Variants in KSR2 observed in about 807,000 individuals in gnomAD.
KSR2 encodes the protein kinase suppressor of ras 2.
In KSR2, 25 loss-of-function variants were observed where a neutral mutation model predicts 107.8. The ratio of observed to expected loss-of-function variants is 0.23; its 90% CI spans 0.17 to 0.32. The LOEUF (loss-of-function observed/expected upper bound fraction) is 0.32. Ranked by LOEUF, KSR2 falls within the 10% of genes least tolerant of loss-of-function variation. The pLI is 1.00. For missense variants in KSR2, 887 were observed against 1,268.9 expected (o/e 0.70, Z 4.57); for synonymous variants, 480 against 507.0 (o/e 0.95, Z 0.71).
At chr12:117,794,278 C>CAT (rs1890492214) in intron 3 of KSR2, among the ~76,000 whole-genome samples, 1 of 84,628 alleles carries the variant, frequency 1.2e-5, no homozygotes. Flanking sequence ...TGCACACACA[C>CAT]CAACATGCAC....
At chr12:117,814,636 G>A (rs573103956) in intron 3 of KSR2, among the ~76,000 whole-genome samples, 4 of 152,222 alleles carry the variant, frequency 2.6e-5, no homozygotes, top group African/African-American at 4.8e-5. Context: ...ATGTTCCAGC[G>A]GAACCACATT....
intron 3 of KSR2, among the ~76,000 whole-genome samples, chr12:117,808,011 A>G (rs1891069918): frequency 6.6e-6 from 1 of 152,164 alleles, no homozygotes; most frequent in African/African-American, 2.4e-5. Context: ...GCTCCCAAAT[A>G]ATTATGTTGA....
At chr12:117,603,931 CA>C (rs1881092575) in intron 5 of KSR2, among the ~76,000 whole-genome samples, 1 of 152,220 alleles carries the variant, frequency 6.6e-6, no homozygotes, top group African/African-American at 2.4e-5. Context: ...CCTCCCTCTG[CA>C]ATTTCAACAA....
intron 1 of KSR2, among the ~76,000 whole-genome samples, chr12:117,955,541 C>T (rs970099849): frequency 2.1e-4 from 32 of 152,156 alleles, no homozygotes; most frequent in Admixed American, 3.9e-4. Flanking sequence ...AGCTCAAGCC[C>T]TCCTAACTAC....
In KSR2 at chr12:117,761,473, G is replaced by C. The variant is rs200451365; in HGVS notation, c.524C>G (p.Thr175Arg). The C allele has an allele frequency of 1.5e-3, 2,421 of 1,613,312 alleles. 3 individuals are homozygous for C. Among genetic ancestry groups the C allele is most frequent in the Non-Finnish European group, 1.9e-3 (2,218 of 1,179,688 alleles). The change falls in exon 4 of 20, where the codon ACG becomes AGG. Residue 175 changes from threonine to arginine, a missense_variant. By Grantham distance (71) the Thr-to-Arg change is moderately conservative (BLOSUM62 -1). Coordinates refer to ENST00000339824, the MANE Select transcript of KSR2 (RefSeq NM_173598.6). ...DWTIQWPTTE[T>R]GKENNPVCPP... The stretch of plus-strand genomic sequence containing the variant: ...GCACACGGGATTGTTCTCCTTCCCC[G>C]TCTCTGTCGTGGGCCACTGGATGGT...
intron 4 of KSR2, among the ~76,000 whole-genome samples, chr12:117,739,820 A>G (rs1888102541): frequency 6.6e-6 from 1 of 152,072 alleles, no homozygotes; most frequent in African/African-American, 2.4e-5. Flanking sequence ...CAGCCAAGGC[A>G]CAAACTCAGA....
At chr12:117,920,275 T>C (rs1895301581) in intron 1 of KSR2, among the ~76,000 whole-genome samples, 1 of 152,104 alleles carries the variant, frequency 6.6e-6, no homozygotes, top group African/African-American at 2.4e-5. Flanking sequence ...ATTTTTCTAT[T>C]TTTTGTAGAG....
At chr12:117,601,059 G>A (rs1036323474) in intron 5 of KSR2, among the ~76,000 whole-genome samples, 40 of 152,146 alleles carry the variant, frequency 2.6e-4, no homozygotes, top group African/African-American at 8.4e-4. Flanking sequence ...AGGATTACAT[G>A]AGCATCTGGA....
intron 1 of KSR2, among the ~76,000 whole-genome samples, chr12:117,925,842 C>G (rs181760635): frequency 3.9e-5 from 6 of 152,090 alleles, no homozygotes; most frequent in Non-Finnish European, 8.8e-5. Context: ...TTAGCTAGTA[C>G]GGGACAGGGC....
At chr12:117,956,251 A>T (rs1376916922) in intron 1 of KSR2, among the ~76,000 whole-genome samples, 54 of 36,652 alleles carry the variant, frequency 1.5e-3, no homozygotes, top group Middle Eastern at 0.026. Flanking sequence ...CTCTGTCTCA[A>T]AAAAAAAAAA....
At chr12:117,650,502 T>C (rs958073588) in intron 5 of KSR2, among the ~76,000 whole-genome samples, 4 of 152,208 alleles carry the variant, frequency 2.6e-5, no homozygotes, top group Non-Finnish European at 4.4e-5. Flanking sequence ...TGGAGTTCTT[T>C]CATTGATTTG....
chr12:117,624,246 T>C (rs1882347199), intron 5 of KSR2, among the ~76,000 whole-genome samples: 1 of 152,172 alleles, frequency 6.6e-6, no homozygotes, highest in African/African-American at 2.4e-5. Flanking sequence ...CCCATTTGTC[T>C]ATTTTGGCTT....
At chr12:117,960,879 A>C (rs1234160845) in intron 1 of KSR2, among the ~76,000 whole-genome samples, 1 of 148,256 alleles carries the variant, frequency 6.7e-6, no homozygotes, top group Non-Finnish European at 1.5e-5. Context: ...GGCTCACTGC[A>C]ACCTCTGCCT....
rs200020328 is a variant in KSR2 at position 117,793,713 on chromosome 12, GCA to G, written c.473-32191_473-32190del. ...CACACATACAACATGCACACACCAT[GCA>G]CACTCACACCAGCATGCACTCATAC... On this transcript the variant is annotated intron_variant, in intron 3 of 19. Transcript: ENST00000339824. 4.6e-4 allele frequency among the ~76,000 whole-genome samples: 53 copies of G among 115,090 alleles called. 2 individuals carry two copies. In the East Asian group the frequency reaches 7.6e-3, roughly 17 times the overall value. The allele number at this position is 115,090 out of a possible 152,430, so 75.5% of individuals were successfully genotyped here. A position where few individuals can be genotyped will look rare whatever the true frequency, so the allele number is the denominator to read the frequency against.
intron 4 of KSR2, among the ~76,000 whole-genome samples, chr12:117,676,129 G>C (rs562833932): frequency 6.6e-6 from 1 of 152,348 alleles, no homozygotes; most frequent in East Asian, 1.9e-4. Flanking sequence ...GCCCAGGAAA[G>C]GGAGCAGTTT....
intron 1 of KSR2, among the ~76,000 whole-genome samples, chr12:117,922,847 T>C (rs1470957200): frequency 6.6e-6 from 1 of 152,188 alleles, no homozygotes; most frequent in Non-Finnish European, 1.5e-5. Flanking sequence ...TGTGGATTAT[T>C]CCATTTGGAG....
chr12:117,565,805 T>C (rs1222822381), intron 7 of KSR2, among the ~76,000 whole-genome samples: 1 of 152,220 alleles, frequency 6.6e-6, no homozygotes, highest in East Asian at 1.9e-4. Flanking sequence ...TGTGGCCCCA[T>C]TGTGTAGTCA....
intron 4 of KSR2, among the ~76,000 whole-genome samples, chr12:117,728,976 A>G (rs1409378125): frequency 2.6e-5 from 4 of 152,242 alleles, no homozygotes; most frequent in Non-Finnish European, 4.4e-5. Flanking sequence ...TGTAAGAGAT[A>G]CACGCATGTA....
chr12:117,700,122 CT>C (rs1436541168), intron 4 of KSR2, among the ~76,000 whole-genome samples: 2 of 151,818 alleles, frequency 1.3e-5, no homozygotes, highest in African/African-American at 4.8e-5. Flanking sequence ...CTTAAGTGAT[CT>C]GCCTGCCTCA....
Sources: allele counts gnomAD v4.1 joint callset (sites outside exome capture counted in the v4.1 genomes callset), GRCh38; gene constraint gnomAD v4.1.1; transcripts MANE v1.5; gene names NCBI Gene and HGNC (gene_info 2026-07-23, HGNC 2026-07-21).